The following PARPBP variants were observed in gnomAD, a reference collection of about 807,000 sequenced individuals.
PARPBP encodes the protein PARP1 binding protein.
PARPBP carries 52 observed loss-of-function variants against 50.0 expected under a neutral mutation model. That is an observed-to-expected ratio of 1.04 (90% CI 0.83 to 1.31). PARPBP has a LOEUF of 1.31. PARPBP is among the 50% of genes most tolerant of loss of function. The pLI is 0.00. For synonymous variants in PARPBP, 244 were observed against 232.1 expected, an observed-to-expected ratio of 1.05 and a Z score of -0.47; for missense variants, 697 against 672.0, an observed-to-expected ratio of 1.04 and a Z score of -0.41.
chr12:102,164,675 T>A lies in PARPBP; in HGVS notation c.666+67T>A, dbSNP rs1393339794. The A allele has an allele frequency of 3.8e-6, 5 of 1,303,036 alleles. No individual in the cohort carries two copies. The Admixed American group carries it at 8.4e-5, about 22-fold the overall frequency. 80.7% of individuals were successfully genotyped at this position (1,303,036 alleles called of 1,614,324 possible). A position where few individuals can be genotyped will look rare whatever the true frequency, so the allele number is the denominator to read the frequency against. On this transcript the variant is annotated intron_variant, in intron 5 of 10. Coordinates refer to ENST00000327680, the MANE Select transcript of PARPBP (RefSeq NM_017915.5). ...AGTGGATCCATGTATCCTAATATGC[T>A]TGTAACTAGGATGAAACAACTTTTA...
Position 102,171,694 on chromosome 12 carries a change from G to T in PARPBP, c.822-3789G>T, listed in dbSNP as rs549286145. Among the ~76,000 whole-genome samples the T allele has an allele frequency of 5.9e-5, 9 of 152,002 alleles. No homozygotes were observed. The South Asian group carries it at 1.9e-3, about 32-fold the overall frequency. ...ATCCTGGCTAACACGGTGAAACCCC[G>T]TCTCTACTAAAAATACAAAAAATTA... On this transcript the variant is annotated intron_variant, in intron 6 of 10. Coordinates refer to ENST00000327680, the MANE Select transcript of PARPBP (RefSeq NM_017915.5).
intron 6 of PARPBP, among the ~76,000 whole-genome samples, chr12:102,169,789 A>G (rs1290463577): frequency 6.6e-6 from 1 of 152,138 alleles, no homozygotes; most frequent in Non-Finnish European, 1.5e-5. Context: ...CATATTTGGT[A>G]CAGGGTAAAG....
At chr12:102,146,546 C>T (rs1355111067) in intron 2 of PARPBP, among the ~76,000 whole-genome samples, 3 of 152,140 alleles carry the variant, frequency 2.0e-5, no homozygotes, top group Non-Finnish European at 4.4e-5. Flanking sequence ...CCCTTCCTTA[C>T]ACCTTATATA....
chr12:102,153,298 A>T (rs1594530196), intron 3 of PARPBP, among the ~76,000 whole-genome samples: 1 of 152,198 alleles, frequency 6.6e-6, no homozygotes, highest in East Asian at 1.9e-4. Flanking sequence ...TTTGGATGAG[A>T]TTGGTTTGAA....
At chr12:102,158,007 C>A (rs1329072577) in intron 4 of PARPBP, among the ~76,000 whole-genome samples, 1 of 150,912 alleles carries the variant, frequency 6.6e-6, no homozygotes, top group Non-Finnish European at 1.5e-5. Context: ...GTAGTCCCAG[C>A]TACTCTGGAG....
Position 102,196,172 on chromosome 12 carries a change from A to C in PARPBP, c.1621A>C (p.Asn541His), listed in dbSNP as rs557178870. Residue 541 changes from asparagine (N) to histidine (H), a missense_variant, in exon 11 of 11, where the codon AAT becomes CAT. Asn to His is a moderately conservative substitution (Grantham distance 68). Coordinates refer to ENST00000327680, the MANE Select transcript of PARPBP (RefSeq NM_017915.5). ...HKNAKIPKKS[N>H]DSQNRLYGKL... ...AAATGCTAAAATACCTAAGAAATCA[A>C]ATGATTCACAGAATAGATTGTACGG... 5.0e-6 allele frequency: 8 copies of C among 1,611,932 alleles called. No homozygotes were observed. In the Admixed American group the frequency reaches 1.2e-4, roughly 24 times the overall value.
chr12:102,182,703 T>C (rs1889946807), intron 9 of PARPBP, 76 bp downstream of exon 9: 1 of 964,556 alleles, frequency 1.0e-6, no homozygotes. Flanking sequence ...GAAGCTGAGC[T>C]GGGTATTGTA....
At chr12:102,194,407 T>A (rs1891072996) in intron 9 of PARPBP, among the ~76,000 whole-genome samples, 1 of 151,972 alleles carries the variant, frequency 6.6e-6, no homozygotes, top group Admixed American at 6.6e-5. Flanking sequence ...TTTGGAGACA[T>A]CTCTCCATTA....
intron 2 of PARPBP, among the ~76,000 whole-genome samples, chr12:102,145,529 A>G (rs956745082): frequency 6.6e-6 from 1 of 151,740 alleles, no homozygotes; most frequent in Non-Finnish European, 1.5e-5. Context: ...AATAAAAAAA[A>G]CCTTCAACTT....
chr12:102,141,060 T>G (rs1263108654), intron 2 of PARPBP, among the ~76,000 whole-genome samples: 4 of 152,212 alleles, frequency 2.6e-5, no homozygotes, highest in Non-Finnish European at 5.9e-5. Flanking sequence ...GTCTTGTTGA[T>G]CTATCTAATG....
intron 3 of PARPBP, among the ~76,000 whole-genome samples, chr12:102,152,865 C>T (rs1250451463): frequency 1.0e-5 from 1 of 98,984 alleles, no homozygotes; most frequent in Non-Finnish European, 2.1e-5. Context: ...ATTTAAAGCA[C>T]AAAGAAAAAT....
intron 2 of PARPBP, among the ~76,000 whole-genome samples, chr12:102,142,958 C>T (rs1050397606): frequency 6.6e-5 from 10 of 152,234 alleles, no homozygotes; most frequent in African/African-American, 2.4e-4. Flanking sequence ...CTTGAGGAGG[C>T]AGTCTGTCCG....
At chr12:102,137,631 TCTC>T (rs1235747065) in intron 2 of PARPBP, among the ~76,000 whole-genome samples, 2 of 152,036 alleles carry the variant, frequency 1.3e-5, no homozygotes, top group African/African-American at 4.8e-5. Flanking sequence ...ATTAGGTACA[TCTC>T]CTAATGCTAT....
At position 102,164,458 on chromosome 12, in the gene PARPBP, A is replaced by C. The variant is rs768750752; in HGVS notation, c.516A>C (p.Lys172Asn). ...CACAGGTGCAGCTGCTAGCAAGGAA[A>C]ATTATCTTTTCATATTTAAATCTGC... is the stretch of plus-strand genomic sequence containing the variant. ...DNEKVQLLAR[K>N]IIFSYLNLLV... Residue 172 changes from lysine (K) to asparagine (N), a missense_variant, in exon 5 of 11, where the codon AAA becomes AAC. Coordinates refer to ENST00000327680, the MANE Select transcript of PARPBP (RefSeq NM_017915.5). 2.0e-5 allele frequency: 33 copies of C among 1,612,494 alleles called. No homozygotes were observed. Among genetic ancestry groups the C allele is most frequent in the Non-Finnish European group, 2.4e-5 (28 of 1,178,972 alleles).
At position 102,169,584 on chromosome 12, in the gene PARPBP, A is replaced by G. The variant is rs141883597; in HGVS notation, c.821+3701A>G. On this transcript the variant is annotated intron_variant, in intron 6 of 10. Coordinates refer to ENST00000327680, the MANE Select transcript of PARPBP (RefSeq NM_017915.5). ...ATGTTCTTTCTCCTCATCTCTTCCT[A>G]TAGCTACTATTTTATTTCCAGTGTT... Among the ~76,000 whole-genome samples, 16 of 152,120 alleles carry G rather than the reference A, an allele frequency of 1.1e-4. No individual in the cohort carries two copies. The East Asian group carries it at 2.9e-3, about 27-fold the overall frequency.
At chr12:102,189,705 T>C (rs969822454) in intron 9 of PARPBP, among the ~76,000 whole-genome samples, 1 of 152,020 alleles carries the variant, frequency 6.6e-6, no homozygotes, top group African/African-American at 2.4e-5. Context: ...GTAAAGAGAA[T>C]GTGTGTAGGG....
chr12:102,145,899 A>C (rs1030283382), intron 2 of PARPBP, among the ~76,000 whole-genome samples: 1 of 152,208 alleles, frequency 6.6e-6, no homozygotes, highest in Non-Finnish European at 1.5e-5. Flanking sequence ...AAGGCCGAGA[A>C]GCAATGGCTC....
At chr12:102,143,451 T>G (rs995722322) in intron 2 of PARPBP, among the ~76,000 whole-genome samples, 3 of 152,342 alleles carry the variant, frequency 2.0e-5, no homozygotes, top group South Asian at 4.1e-4. Flanking sequence ...GATGATGCCC[T>G]GCCCTGCTTC....
At chr12:102,158,052 G>A (rs1194325346) in intron 4 of PARPBP, among the ~76,000 whole-genome samples, 1 of 150,334 alleles carries the variant, frequency 6.7e-6, no homozygotes, top group Non-Finnish European at 1.5e-5. Context: ...CCTGGGAGGC[G>A]GGAGCTTGCA....
Sources: gnomAD v4.1 joint callset for allele counts (sites outside exome capture counted in the v4.1 genomes callset) on GRCh38, gnomAD v4.1.1 for gene constraint, MANE v1.5 for transcripts, NCBI Gene and HGNC (gene_info 2026-07-23, HGNC 2026-07-21) for gene names.